Variants in SEMA5A observed in about 807,000 individuals in gnomAD.
SEMA5A encodes the protein semaphorin 5A.
In SEMA5A, 55 loss-of-function variants were observed where a neutral mutation model predicts 135.5. The ratio of observed to expected loss-of-function variants is 0.41; its 90% CI spans 0.33 to 0.51. The LOEUF (loss-of-function observed/expected upper bound fraction) is 0.51. SEMA5A is among the 20% of genes least tolerant of loss of function. The pLI is 0.37. For synonymous variants in SEMA5A, 580 were observed against 546.5 expected (o/e 1.06, Z -0.85); for missense variants, 1,290 against 1,419.9 (o/e 0.91, Z 1.47).
At chr5:9,410,919 C>T (rs1473883446) in intron 2 of SEMA5A, among the ~76,000 whole-genome samples, 1 of 148,014 alleles carries the variant, frequency 6.8e-6, no homozygotes, top group Non-Finnish European at 1.5e-5. Flanking sequence ...CATAACAGAG[C>T]GTTCTCTATC....
intron 13 of SEMA5A, among the ~76,000 whole-genome samples, chr5:9,124,316 G>T (rs1473810704): frequency 6.6e-6 from 1 of 152,206 alleles, no homozygotes; most frequent in Non-Finnish European, 1.5e-5. Context: ...AATCTGATAA[G>T]CAAATCTGCT....
intron 5 of SEMA5A, among the ~76,000 whole-genome samples, chr5:9,297,355 C>T (rs1751389266): frequency 6.6e-6 from 1 of 152,068 alleles, no homozygotes; most frequent in Non-Finnish European, 1.5e-5. Flanking sequence ...ATCCTAACCT[C>T]TCAAGGCCTG....
chr5:9,294,185 G>A (rs923453236), intron 5 of SEMA5A, among the ~76,000 whole-genome samples: 16 of 152,074 alleles, frequency 1.1e-4, no homozygotes, highest in Non-Finnish European at 1.6e-4. Flanking sequence ...TTGGCCTTCC[G>A]GTACATCGTC....
At chr5:9,321,395 A>G (rs1382677846) in intron 4 of SEMA5A, among the ~76,000 whole-genome samples, 1 of 152,122 alleles carries the variant, frequency 6.6e-6, no homozygotes, top group Non-Finnish European at 1.5e-5. Flanking sequence ...CCACCCTCAC[A>G]TATTTCCCAC....
At chr5:9,412,580 T>C (rs1343802498) in intron 2 of SEMA5A, among the ~76,000 whole-genome samples, 1 of 143,548 alleles carries the variant, frequency 7.0e-6, no homozygotes, top group African/African-American at 2.6e-5. Flanking sequence ...CAGAACGGAT[T>C]CAGATTTTGC....
chr5:9,195,015 T>C (rs574183556), intron 10 of SEMA5A, among the ~76,000 whole-genome samples: 3 of 152,336 alleles, frequency 2.0e-5, no homozygotes, highest in Admixed American at 2.0e-4. Flanking sequence ...CATCACTGTA[T>C]GGAAAATACA....
chr5:9,528,070 T>C (rs1040891867), intron 1 of SEMA5A, among the ~76,000 whole-genome samples: 2 of 152,210 alleles, frequency 1.3e-5, no homozygotes, highest in African/African-American at 4.8e-5. Context: ...AACATTGTCT[T>C]TATAGAAATG....
chr5:9,434,459 C>T (rs981200929), intron 2 of SEMA5A, among the ~76,000 whole-genome samples: 2 of 151,912 alleles, frequency 1.3e-5, no homozygotes, highest in African/African-American at 4.8e-5. Flanking sequence ...AATAATAATA[C>T]TCCTGAAAAT....
rs1336600415 is a variant in SEMA5A, at chr5:9,037,534, A to AAAAC, written c.*5359_*5362dup. On this transcript the variant is annotated 3_prime_UTR_variant, in exon 23 of 23. Coordinates refer to ENST00000382496, the MANE Select transcript of SEMA5A (RefSeq NM_003966.3). ...TGAGTATATCTTTGATCTATCTGCT[A>AAAAC]AAACAATGTGTACAATGCATCTTTA... The AAAAC allele has an allele frequency of 4.6e-5, 7 of 152,238 alleles. No homozygotes were observed. The highest frequency in any genetic ancestry group is 2.1e-4 in the South Asian group (1 of 4,838). The allele number at this position is 152,238 out of a possible 1,614,324, so 9.4% of individuals were successfully genotyped here. A position where few individuals can be genotyped will look rare whatever the true frequency, so the allele number is the denominator to read the frequency against.
chr5:9,449,008 G>T (rs1360919710), intron 1 of SEMA5A, among the ~76,000 whole-genome samples: 1 of 152,182 alleles, frequency 6.6e-6, no homozygotes, highest in East Asian at 1.9e-4. Flanking sequence ...AAGACAGGTG[G>T]CGATTCCTCA....
chr5:9,042,647 AG>A lies in SEMA5A; in HGVS notation c.*249del, dbSNP rs1359606658. ...AAACCAATGGACTTGTCAGAAAAAT[AG>A]GATGAACACAATTAAAAACTTCACA... is the stretch of plus-strand genomic sequence containing the variant. On this transcript the variant is annotated 3_prime_UTR_variant, in exon 23 of 23. Coordinates refer to ENST00000382496, the MANE Select transcript of SEMA5A (RefSeq NM_003966.3). The A allele has an allele frequency of 2.3e-6, 1 of 425,828 alleles. No individual in the cohort carries two copies. The highest frequency in any genetic ancestry group is 4.2e-6 in the Non-Finnish European group (1 of 240,944). 26.4% of individuals were successfully genotyped at this position (425,828 alleles called of 1,614,324 possible).
At position 9,468,996 on chromosome 5, in the gene SEMA5A, T is replaced by TTTTTG. The variant is rs898374747; in HGVS notation, c.-174-31149_-174-31145dup. On this transcript the variant is annotated intron_variant, in intron 1 of 22. Transcript: ENST00000382496. ...TGAGGCTTAAGAGTAGCAATGGATT[T>TTTTTG]TTTTGTTTTGTTTTGTTTTGTTTTG... 2.5e-4 allele frequency among the ~76,000 whole-genome samples: 38 copies of TTTTTG among 152,206 alleles called. No homozygotes were observed. The South Asian group carries it at 5.4e-3, about 22-fold the overall frequency.
intron 4 of SEMA5A, among the ~76,000 whole-genome samples, chr5:9,335,121 A>G (rs934521375): frequency 6.6e-6 from 1 of 151,728 alleles, no homozygotes; most frequent in African/African-American, 2.4e-5. Context: ...TGGGATGGAG[A>G]CGACAGGGAT....
intron 16 of SEMA5A, among the ~76,000 whole-genome samples, chr5:9,096,932 GA>G (rs2150134251): frequency 6.6e-6 from 1 of 152,102 alleles, no homozygotes; most frequent in South Asian, 2.1e-4. Flanking sequence ...TCTCTATGAT[GA>G]AAAAACAGTA....
intron 5 of SEMA5A, among the ~76,000 whole-genome samples, chr5:9,241,788 A>G (rs1748212497): frequency 6.6e-6 from 1 of 152,184 alleles, no homozygotes; most frequent in Non-Finnish European, 1.5e-5. Context: ...TGTTACATAC[A>G]TATAAATCCA....
intron 3 of SEMA5A, among the ~76,000 whole-genome samples, chr5:9,345,964 G>T (rs1485164620): frequency 6.6e-6 from 1 of 152,126 alleles, no homozygotes; most frequent in Non-Finnish European, 1.5e-5. Context: ...AGGTGGACAT[G>T]GGAGGGTCCC....
intron 1 of SEMA5A, among the ~76,000 whole-genome samples, chr5:9,504,772 G>A (rs1735787194): frequency 6.6e-6 from 1 of 152,258 alleles, no homozygotes; most frequent in Non-Finnish European, 1.5e-5. Flanking sequence ...GGTCACCACA[G>A]GTCCCGAGCA....
At chr5:9,081,533 C>A (rs1173657296) in intron 16 of SEMA5A, among the ~76,000 whole-genome samples, 1 of 149,340 alleles carries the variant, frequency 6.7e-6, no homozygotes, top group Admixed American at 6.7e-5. Flanking sequence ...TATCCTCTCG[C>A]TATGATATTT....
intron 22 of SEMA5A, among the ~76,000 whole-genome samples, chr5:9,044,124 T>TG (rs963706645): frequency 6.6e-6 from 1 of 152,070 alleles, no homozygotes; most frequent in African/African-American, 2.4e-5. Flanking sequence ...AGTCAATTGG[T>TG]GTGTCTCCAT....
Sources: allele counts gnomAD v4.1 joint callset (sites outside exome capture counted in the v4.1 genomes callset), GRCh38; gene constraint gnomAD v4.1.1; transcripts MANE v1.5; gene names NCBI Gene and HGNC (gene_info 2026-07-23, HGNC 2026-07-21).